Variants in MACROD2 observed in about 807,000 individuals in gnomAD.
MACROD2 encodes the protein mono-ADP ribosylhydrolase 2.
Under a neutral mutation model 70.4 loss-of-function variants are expected in MACROD2, and 36 were observed. The observed-to-expected ratio is 0.51, with a 90% CI of 0.39 to 0.68. The LOEUF (loss-of-function observed/expected upper bound fraction) is 0.68. MACROD2 is among the 30% of genes least tolerant of loss of function. MACROD2 has a pLI of 0.00. For synonymous variants in MACROD2, 172 were observed against 178.8 expected, an observed-to-expected ratio of 0.96 and a Z score of 0.30; for missense variants, 496 against 538.4, an observed-to-expected ratio of 0.92 and a Z score of 0.78.
intron 3 of MACROD2, among the ~76,000 whole-genome samples, chr20:14,140,203 G>C (rs1775015199): frequency 1.3e-5 from 2 of 152,166 alleles, no homozygotes; most frequent in Non-Finnish European, 2.9e-5. Context: ...AAAGTGGTTT[G>C]TCATTTACTA....
At chr20:14,490,269 G>A (rs565236935) in intron 3 of MACROD2, among the ~76,000 whole-genome samples, 1 of 152,058 alleles carries the variant, frequency 6.6e-6, no homozygotes, top group Non-Finnish European at 1.5e-5. Context: ...ACTTGTTTAG[G>A]GTATTGGAAA....
At chr20:15,639,808 G>A (rs914821995) in intron 8 of MACROD2, among the ~76,000 whole-genome samples, 2 of 152,030 alleles carry the variant, frequency 1.3e-5, no homozygotes, top group African/African-American at 4.8e-5. Context: ...GAGAGTGGGG[G>A]GAAAGAGAAA....
chr20:14,800,083 G>A (rs977007654), intron 5 of MACROD2, among the ~76,000 whole-genome samples: 2 of 37,240 alleles, frequency 5.4e-5, no homozygotes, highest in Non-Finnish European at 1.3e-4. Context: ...GAGGTCACTG[G>A]ATGGTCCCAG....
chr20:15,465,725 G>A (rs780831264), intron 7 of MACROD2, among the ~76,000 whole-genome samples: 5 of 152,164 alleles, frequency 3.3e-5, no homozygotes, highest in Non-Finnish European at 5.9e-5. Flanking sequence ...CAAGAGTGAC[G>A]GTCATTTCAT....
At chr20:15,454,269 G>T (rs541685614) in intron 7 of MACROD2, among the ~76,000 whole-genome samples, 1 of 152,114 alleles carries the variant, frequency 6.6e-6, no homozygotes, top group East Asian at 1.9e-4. Flanking sequence ...TTTGCTGTAG[G>T]TTATAAGCAT....
In MACROD2 at chr20:14,306,776, C is replaced by A. The variant is rs541748177; in HGVS notation, c.272-186703C>A. Reference sequence around the variant, plus strand: ...CTAATATTTTCTCTTTTCAGTGTCCCCAGATTGGTTGACAAAGCAAAGATC... The same window carrying A: ...CTAATATTTTCTCTTTTCAGTGTCCACAGATTGGTTGACAAAGCAAAGATC... On this transcript the variant is annotated intron_variant, in intron 3 of 17. Coordinates refer to ENST00000684519, the MANE Select transcript of MACROD2 (RefSeq NM_001351661.2). Among the ~76,000 whole-genome samples the A allele has an allele frequency of 7.9e-5, 12 of 152,064 alleles. No individual in the cohort carries two copies. The South Asian group carries it at 2.5e-3, about 32-fold the overall frequency.
chr20:15,115,052 CT>C (rs1257846572), intron 5 of MACROD2, among the ~76,000 whole-genome samples: 1 of 152,178 alleles, frequency 6.6e-6, no homozygotes, highest in Non-Finnish European at 1.5e-5. Context: ...TATTCCCTAA[CT>C]TCCTTTTTTA....
chr20:15,371,728 G>A (rs1169464065), intron 6 of MACROD2, among the ~76,000 whole-genome samples: 1 of 151,970 alleles, frequency 6.6e-6, no homozygotes, highest in Non-Finnish European at 1.5e-5. Context: ...TTTAGAAATG[G>A]ATAAATATTT....
At chr20:14,425,016 C>A (rs1452889253) in intron 3 of MACROD2, among the ~76,000 whole-genome samples, 1 of 152,200 alleles carries the variant, frequency 6.6e-6, no homozygotes, top group Non-Finnish European at 1.5e-5. Flanking sequence ...CGGGTTCCAA[C>A]CATCTTTGAA....
intron 5 of MACROD2, among the ~76,000 whole-genome samples, chr20:14,796,784 C>G (rs2072514667): frequency 6.6e-6 from 1 of 151,900 alleles, no homozygotes; most frequent in Admixed American, 6.6e-5. Context: ...TCAGCTTTAC[C>G]AAATTTGTGA....
intron 6 of MACROD2, among the ~76,000 whole-genome samples, chr20:15,286,289 AT>A (rs1188166355): frequency 6.6e-6 from 1 of 152,174 alleles, no homozygotes; most frequent in African/African-American, 2.4e-5. Context: ...TGGGTATAGA[AT>A]GAAATTACCA....
intron 3 of MACROD2, among the ~76,000 whole-genome samples, chr20:14,449,676 T>C (rs1202932931): frequency 6.6e-6 from 1 of 152,158 alleles, no homozygotes; most frequent in Admixed American, 6.5e-5. Context: ...ATGGTACAGG[T>C]ACTCTATAAA....
intron 5 of MACROD2, chr20:14,894,606 T>C (rs1011680459): frequency 6.6e-6 from 1 of 152,216 alleles, no homozygotes; most frequent in Admixed American, 6.5e-5. Context: ...AGTGTTAATA[T>C]TTCAGTCAAA....
At chr20:16,009,660 G>A (rs1050422664) in intron 15 of MACROD2, among the ~76,000 whole-genome samples, 4 of 152,132 alleles carry the variant, frequency 2.6e-5, no homozygotes, top group Non-Finnish European at 5.9e-5. Context: ...GAGAGGCTGA[G>A]GCAGGAGAAT....
rs183185995 is a variant in MACROD2, at chr20:15,908,866, C to T, written c.775+23055C>T. Among the ~76,000 whole-genome samples the T allele has an allele frequency of 5.3e-5, 8 of 152,368 alleles. 1 individual carries two copies. In the East Asian group the frequency reaches 1.5e-3, roughly 29 times the overall value. On this transcript the variant is annotated intron_variant, in intron 10 of 17. Transcript: ENST00000684519. Reference sequence around the variant, plus strand: ...TGCTTAGCTTTCCAAACACCCAAGTCACCCTGACAGGCTCTTGAATACTTT... The same window carrying T: ...TGCTTAGCTTTCCAAACACCCAAGTTACCCTGACAGGCTCTTGAATACTTT...
rs745941284 is a variant in MACROD2, at chr20:14,041,720, C to T, written c.163+39316C>T. Among the ~76,000 whole-genome samples the T allele has an allele frequency of 6.1e-4, 93 of 152,274 alleles. 2 individuals are homozygous for T. Among genetic ancestry groups the T allele is most frequent in the South Asian group, 2.9e-3 (14 of 4,828 alleles). ...TAGACTTGCTTACAAATTCACCTAG[C>T]TTAGAGATGTCAGGGCTAGGGCAGA... is the stretch of plus-strand genomic sequence containing the variant. On this transcript the variant is annotated intron_variant, in intron 2 of 17. Transcript: ENST00000684519.
chr20:14,669,325 A>G (rs1348168079), intron 4 of MACROD2, among the ~76,000 whole-genome samples: 1 of 152,140 alleles, frequency 6.6e-6, no homozygotes, highest in Non-Finnish European at 1.5e-5. Flanking sequence ...AAGATTTTAT[A>G]TTTTTGCAAA....
intron 8 of MACROD2, among the ~76,000 whole-genome samples, chr20:15,719,370 A>G (rs1208738907): frequency 6.6e-6 from 1 of 152,194 alleles, no homozygotes; most frequent in Non-Finnish European, 1.5e-5. Flanking sequence ...ATGCTGTCAT[A>G]GTTGTGAGTG....
chr20:15,975,865 T>TCTA (rs763036259), intron 13 of MACROD2, among the ~76,000 whole-genome samples: 4 of 152,228 alleles, frequency 2.6e-5, no homozygotes, highest in African/African-American at 7.2e-5. Flanking sequence ...TTTTATTGGC[T>TCTA]CTAAGAGAAA....
Sources: gnomAD v4.1 joint callset for allele counts (sites outside exome capture counted in the v4.1 genomes callset) on GRCh38, gnomAD v4.1.1 for gene constraint, MANE v1.5 for transcripts, NCBI Gene and HGNC (gene_info 2026-07-23, HGNC 2026-07-21) for gene names.